Variants in ATG2B observed in about 807,000 individuals in gnomAD.
The protein encoded by ATG2B is autophagy-related protein 2 homolog B.
Under a neutral mutation model 241.3 loss-of-function variants are expected in ATG2B, and 121 were observed. The ratio of observed to expected loss-of-function variants is 0.50; its 90% CI spans 0.43 to 0.58. ATG2B has a LOEUF of 0.58. Ranked by LOEUF, ATG2B falls within the 20% of genes least tolerant of loss-of-function variation. The pLI is 0.00. For synonymous variants in ATG2B, 858 were observed against 876.6 expected (o/e 0.98, Z 0.37); for missense variants, 2,306 against 2,491.6 (o/e 0.93, Z 1.59).
chr14:96,339,388 C>T (rs7143955), intron 6 of ATG2B, among the ~76,000 whole-genome samples: 144,286 of 151,866 alleles, frequency 0.95, 69,066 homozygotes, highest in Non-Finnish European at 0.99. Context: ...TGTATATACA[C>T]ACATGTGTAT....
In ATG2B at chr14:96,279,482, C is replaced by T. The variant is rs1886139373; in HGVS notation, c.*6273G>A. On this transcript the variant is annotated 3_prime_UTR_variant, in exon 42 of 42. Coordinates refer to ENST00000359933, the MANE Select transcript of ATG2B (RefSeq NM_018036.7). ...CAAGGCACTGTGCTAGGCACCGGGTCCCTAAGTCCCTTGCCCTCCTGAAGG... is the reference window on the plus strand; with the variant it reads ...CAAGGCACTGTGCTAGGCACCGGGTTCCTAAGTCCCTTGCCCTCCTGAAGG... The T allele has an allele frequency of 6.6e-6, 1 of 152,234 alleles. No homozygotes were observed. The highest frequency in any genetic ancestry group is 2.4e-5 in the African/African-American group (1 of 41,444). 9.4% of individuals were successfully genotyped at this position (152,234 alleles called of 1,614,324 possible).
chr14:96,331,459 C>T lies in ATG2B; in HGVS notation c.1647G>A (p.Lys549=). ...MAVAFFTCIE[K]IDPARFSTED... is the part of the protein sequence containing the mutation. ...CTGTTGAAAATCTTGCTGGATCAAT[C>T]TTTTCTATACAAGTAAAGAAAGCTA... Residue 549 remains lysine, a synonymous_variant, in exon 11 of 42, where the codon AAG becomes AAA. Transcript: ENST00000359933. The T allele has an allele frequency of 6.2e-7, 1 of 1,614,060 alleles. No homozygotes were observed.
intron 38 of ATG2B, among the ~76,000 whole-genome samples, chr14:96,291,309 G>A (rs1886478107): frequency 6.6e-6 from 1 of 152,096 alleles, no homozygotes; most frequent in South Asian, 2.1e-4. Context: ...GCCAGTAATT[G>A]CTACTAAGAA....
intron 1 of ATG2B, among the ~76,000 whole-genome samples, chr14:96,356,157 C>G (rs1324244097): frequency 9.0e-6 from 1 of 111,682 alleles, no homozygotes; most frequent in Admixed American, 1.0e-4. Flanking sequence ...GGTGACAGAG[C>G]AAGAATGCGG....
chr14:96,295,430 A>T, intron 35 of ATG2B, 52 bp downstream of exon 35: 3 of 1,262,348 alleles, frequency 2.4e-6, no homozygotes. Context: ...CATAACAATT[A>T]AAATCAATCC....
chr14:96,339,771 AT>A (rs1343058067), intron 6 of ATG2B, among the ~76,000 whole-genome samples: 1 of 151,946 alleles, frequency 6.6e-6, no homozygotes, highest in Non-Finnish European at 1.5e-5. Context: ...CATACTGAGT[AT>A]ACCGTACACT....
At chr14:96,308,644 C>G (rs2139855982) in intron 29 of ATG2B, among the ~76,000 whole-genome samples, 2 of 151,922 alleles carry the variant, frequency 1.3e-5, no homozygotes, top group East Asian at 3.9e-4. Context: ...ACATAGAACA[C>G]TAAAAGCCCC....
Position 96,315,529 on chromosome 14 carries a change from C to G in ATG2B, c.3416G>C (p.Arg1139Pro), listed in dbSNP as rs200190067. The change falls in exon 22 of 42, where the codon CGC becomes CCC. Residue 1139 changes from arginine (R) to proline (P), a missense_variant. Physicochemically the swap from Arg to Pro is moderately radical, Grantham distance 103. This residue lies in a region of ATG2B where 1,927 missense variants were observed against 2,011.2 expected (regional missense o/e 0.96). Coordinates refer to ENST00000359933, the MANE Select transcript of ATG2B (RefSeq NM_018036.7). ...PTETRLPSST[R>P]PHWLEPTIYS... is the part of the protein sequence containing the mutation. ...AATAGTAGGTTCCAACCAGTGTGGGCGGGTTGAGCTGGGAAGTCGTGTTTC... is the reference window on the plus strand; with the variant it reads ...AATAGTAGGTTCCAACCAGTGTGGGGGGGTTGAGCTGGGAAGTCGTGTTTC... 1.9e-6 allele frequency: 3 copies of G among 1,613,952 alleles called. No individual in the cohort carries two copies. The African/African-American group carries it at 4.0e-5, about 22-fold the overall frequency.
chr14:96,351,926 T>A (rs867362841), intron 1 of ATG2B, among the ~76,000 whole-genome samples: 1,557 of 146,940 alleles, frequency 0.011, 23 homozygotes, highest in African/African-American at 0.037. Context: ...GAAAAAAAAA[T>A]TTTTATGCTT....
rs1343022034 is a variant in ATG2B, at chr14:96,322,806, A to T, written c.2541-71T>A. 2.5e-6 allele frequency: 3 copies of T among 1,209,458 alleles called. No homozygotes were observed. The African/African-American group carries it at 4.5e-5, about 18-fold the overall frequency. 74.9% of individuals were successfully genotyped at this position (1,209,458 alleles called of 1,614,324 possible). ...CAGCAAAACTTTAACTTTTGTGCAA[A>T]TTAATACACACACCACTGGTTAAAT... is the stretch of plus-strand genomic sequence containing the variant. On this transcript the variant is annotated intron_variant, in intron 16 of 41. Coordinates refer to ENST00000359933, the MANE Select transcript of ATG2B (RefSeq NM_018036.7).
chr14:96,331,326 T>C, intron 11 of ATG2B, 50 bp downstream of exon 11: 1 of 1,521,446 alleles, frequency 6.6e-7, no homozygotes, highest in Non-Finnish European at 8.9e-7. Flanking sequence ...CAAGGATCAT[T>C]AGCATATGTG....
At chr14:96,304,463 TA>T (rs1886877393) in intron 32 of ATG2B, 31 bp downstream of exon 32, 1 of 1,543,240 alleles carries the variant, frequency 6.5e-7, no homozygotes. Context: ...ATATCCTACT[TA>T]AGTGGATTTT....
chr14:96,297,568 T>C (rs1332916625), intron 34 of ATG2B, among the ~76,000 whole-genome samples: 2 of 151,988 alleles, frequency 1.3e-5, no homozygotes, highest in African/African-American at 4.8e-5. Flanking sequence ...CAGCTAATTT[T>C]TGTATTTTTA....
chr14:96,319,940 C>T (rs1292765345), intron 18 of ATG2B, among the ~76,000 whole-genome samples: 1 of 152,044 alleles, frequency 6.6e-6, no homozygotes, highest in African/African-American at 2.4e-5. Flanking sequence ...TTTATATGAT[C>T]CCAGAAAGTG....
chr14:96,345,344 T>C lies in ATG2B; in HGVS notation c.367A>G (p.Ser123Gly). Residue 123 changes from serine to glycine, a missense_variant, in exon 3 of 42, where the codon AGC (serine) becomes GGC (glycine). By Grantham distance (56) the Ser-to-Gly change is moderately conservative. This residue lies in a region of ATG2B where 1,927 missense variants were observed against 2,011.2 expected (regional missense o/e 0.96). Coordinates refer to ENST00000359933, the MANE Select transcript of ATG2B (RefSeq NM_018036.7). ...EPMYWSSFMT[S>G]SMQLAKECLS... ...CATTCTTTTGCCAATTGCATACTGC[T>C]GGTCATAAAACTTGACCAATACATA... 1 of 1,612,990 alleles carries C rather than the reference T, an allele frequency of 6.2e-7. No homozygotes were observed. Among genetic ancestry groups the C allele is most frequent in the Non-Finnish European group, 8.5e-7 (1 of 1,179,454 alleles).
intron 12 of ATG2B, 77 bp downstream of exon 12, chr14:96,329,407 A>G: frequency 9.7e-7 from 1 of 1,031,806 alleles, no homozygotes. Context: ...TTTAAAGAAA[A>G]TCATTGCCTC....
chr14:96,298,949 C>T (rs1045519355), intron 34 of ATG2B, among the ~76,000 whole-genome samples: 3 of 152,090 alleles, frequency 2.0e-5, no homozygotes, highest in African/African-American at 4.8e-5. Context: ...ATTGTTTATG[C>T]TAAACTTTGA....
chr14:96,331,744 A>C (rs1376324758), intron 10 of ATG2B, 107 bp from the exon 11 acceptor site: 1 of 882,756 alleles, frequency 1.1e-6, no homozygotes, highest in African/African-American at 1.7e-5. Flanking sequence ...ATGATCATAC[A>C]ACAGTTTGAA....
At chr14:96,358,196 G>C (rs988313867) in intron 1 of ATG2B, among the ~76,000 whole-genome samples, 6 of 152,176 alleles carry the variant, frequency 3.9e-5, no homozygotes, top group Non-Finnish European at 7.3e-5. Flanking sequence ...GAAACTGGGG[G>C]GGGCTGAGGT....
Sources: gnomAD v4.1 joint callset for allele counts (sites outside exome capture counted in the v4.1 genomes callset) on GRCh38, gnomAD v4.1.1 for gene constraint, gnomAD v4.1.1 regional missense constraint, MANE v1.5 for transcripts, NCBI Gene and HGNC (gene_info 2026-07-23, HGNC 2026-07-21) for gene names.